USP6NL: variants seen among roughly 807,000 people sequenced by gnomAD.
The protein encoded by USP6NL is USP6 N-terminal like.
USP6NL carries 26 observed loss-of-function variants against 61.9 expected under a neutral mutation model. The ratio of observed to expected loss-of-function variants is 0.42; its 90% confidence interval spans 0.31 to 0.58. The LOEUF (loss-of-function observed/expected upper bound fraction) is 0.58. Ranked by LOEUF, USP6NL falls within the 20% of genes least tolerant of loss-of-function variation. USP6NL has a pLI of 0.16. For missense variants in USP6NL, 1,114 were observed against 1,034.3 expected, an observed-to-expected ratio of 1.08 and a Z score of -1.06; for synonymous variants, 432 against 390.1, an observed-to-expected ratio of 1.11 and a Z score of -1.27.
At chr10:11,530,290 C>T (rs1315175013) in intron 2 of USP6NL, among the ~76,000 whole-genome samples, 2 of 152,076 alleles carry the variant, frequency 1.3e-5, no homozygotes, top group African/African-American at 4.8e-5. Context: ...CAGTCCTAGG[C>T]ATCACAAGTA....
At chr10:11,544,938 A>G (rs1836219469) in intron 2 of USP6NL, among the ~76,000 whole-genome samples, 1 of 152,216 alleles carries the variant, frequency 6.6e-6, no homozygotes, top group Admixed American at 6.5e-5. Context: ...CCCAAGATAT[A>G]CTGTAAGCAA....
At chr10:11,534,325 T>C (rs1478068072) in intron 2 of USP6NL, among the ~76,000 whole-genome samples, 12 of 152,214 alleles carry the variant, frequency 7.9e-5, no homozygotes. Flanking sequence ...CTGAATAAAG[T>C]CCACTTTCCC....
chr10:11,567,831 G>A (rs930405761), intron 2 of USP6NL, among the ~76,000 whole-genome samples: 1 of 152,174 alleles, frequency 6.6e-6, no homozygotes, highest in South Asian at 2.1e-4. Context: ...ATAACACCTG[G>A]GAAAATATAC....
chr10:11,512,319 C>T (rs1834755235), intron 5 of USP6NL, among the ~76,000 whole-genome samples: 2 of 152,176 alleles, frequency 1.3e-5, no homozygotes, highest in Admixed American at 6.5e-5. Context: ...CTCCTTCTCT[C>T]TCACTTCCCA....
intron 2 of USP6NL, among the ~76,000 whole-genome samples, chr10:11,554,801 C>CTTT: frequency 7.8e-6 from 1 of 128,272 alleles, no homozygotes; most frequent in Non-Finnish European, 1.7e-5. Flanking sequence ...AGTAAGGCAG[C>CTTT]TTTTTTTTTT....
rs1253382361 is a variant in USP6NL, at chr10:11,540,534, G to A, written c.5-12967C>T. ...CCAGCTCATTCAGAATTGCAAGTAT[G>A]TGCAGTTATATGCACTACAATAAAA... On this transcript the variant is annotated intron_variant, in intron 2 of 14. Transcript: ENST00000609104. The surrounding 1 kb of genome is among the most constrained non-coding windows in gnomAD (Gnocchi z 5.0). Among the ~76,000 whole-genome samples the A allele has an allele frequency of 1.3e-5, 2 of 152,172 alleles. No homozygotes were observed. The highest frequency in any genetic ancestry group is 6.5e-5 in the Admixed American group (1 of 15,284).
chr10:11,519,795 A>G (rs1835131345), intron 4 of USP6NL, among the ~76,000 whole-genome samples: 1 of 152,222 alleles, frequency 6.6e-6, no homozygotes, highest in Admixed American at 6.5e-5. Flanking sequence ...ATTAACTGTC[A>G]GTAATATAAA....
chr10:11,607,355 G>A (rs1449314152), intron 1 of USP6NL, among the ~76,000 whole-genome samples: 1 of 152,056 alleles, frequency 6.6e-6, no homozygotes, highest in African/African-American at 2.4e-5. Context: ...AAAAAACCTA[G>A]AGCCAACTGA....
At chr10:11,467,956 C>T (rs548317711) in intron 14 of USP6NL, among the ~76,000 whole-genome samples, 12 of 152,096 alleles carry the variant, frequency 7.9e-5, no homozygotes, top group Non-Finnish European at 1.5e-4. Context: ...TTTAGCTTAT[C>T]CAAAAAAGTA....
Position 11,462,859 on chromosome 10 carries a change from G to C in USP6NL, c.2069C>G (p.Pro690Arg), listed in dbSNP as rs939493322. The C allele has an allele frequency of 1.9e-6, 3 of 1,613,798 alleles. No homozygotes were observed. In the African/African-American group the frequency reaches 4.0e-5, roughly 22 times the overall value. ...TATTCGACTAGACGGCAGTACAAGG[G>C]GGCTTGGGCGGCTGTAAGATTTCTC... is the stretch of plus-strand genomic sequence containing the variant. Reference protein sequence around the residue: ...SPEKSYSRPSPLVLPSSRIEV... With the variant: ...SPEKSYSRPSRLVLPSSRIEV... Residue 690 changes from proline to arginine, a missense_variant, in exon 15 of 15, where the codon CCC (proline) becomes CGC (arginine). Physicochemically the swap from Pro to Arg is moderately radical, Grantham distance 103. Transcript: ENST00000609104.
At chr10:11,557,354 C>T (rs1591925327) in intron 2 of USP6NL, among the ~76,000 whole-genome samples, 2 of 152,196 alleles carry the variant, frequency 1.3e-5, no homozygotes, top group East Asian at 3.8e-4. Context: ...CAATACCCAA[C>T]ACTTAATAGC....
chr10:11,599,177 T>C (rs1468549127), intron 1 of USP6NL, among the ~76,000 whole-genome samples: 1 of 152,214 alleles, frequency 6.6e-6, no homozygotes, highest in African/African-American at 2.4e-5. Flanking sequence ...GTAGGACATG[T>C]GGACCTGGAG....
rs763312528 is a variant in USP6NL, at chr10:11,463,337, G to C, written c.1591C>G (p.Arg531Gly). The C allele has an allele frequency of 1.2e-6, 2 of 1,613,874 alleles. No homozygotes were observed. The highest frequency in any genetic ancestry group is 4.5e-5 in the East Asian group (2 of 44,874). Residue 531 changes from arginine to glycine, a missense_variant, in exon 15 of 15, where the codon CGG becomes GGG. Transcript: ENST00000609104. The surrounding 1 kb of genome is among the most constrained non-coding windows in gnomAD (Gnocchi z 6.3). ...GCATCCAGGGCCTTCATCTTTGGCCGCACGTTTGACACCCGCACCTCGGCA... is the reference window on the plus strand; with the variant it reads ...GCATCCAGGGCCTTCATCTTTGGCCCCACGTTTGACACCCGCACCTCGGCA... ...GPAEVRVSNV[R>G]PKMKALDAED...
chr10:11,583,914 G>A (rs192186620), intron 2 of USP6NL, among the ~76,000 whole-genome samples: 26 of 152,038 alleles, frequency 1.7e-4, no homozygotes, highest in Middle Eastern at 3.4e-3. Flanking sequence ...CTGTGGTCCC[G>A]GCTACTTCAG....
Position 11,474,741 on chromosome 10 carries a change from A to G in USP6NL, c.1078+7029T>C, listed in dbSNP as rs1832896430. On this transcript the variant is annotated intron_variant, in intron 14 of 14. Coordinates refer to ENST00000609104, the MANE Select transcript of USP6NL (RefSeq NM_014688.5). This position sits in a 1 kb window ranked among gnomAD's most constrained non-coding sequence, Gnocchi z 4.9. ...TTGCATCAACAAATGACTACTGCAA[A>G]GGGCTGCTGGAAAAAATTAAGTTAA... is the stretch of plus-strand genomic sequence containing the variant. Among the ~76,000 whole-genome samples the G allele has an allele frequency of 6.6e-6, 1 of 152,086 alleles. No homozygotes were observed. The highest frequency in any genetic ancestry group is 6.5e-5 in the Admixed American group (1 of 15,276).
chr10:11,559,460 C>A (rs942626946), intron 2 of USP6NL, among the ~76,000 whole-genome samples: 2 of 152,122 alleles, frequency 1.3e-5, no homozygotes, highest in African/African-American at 4.8e-5. Flanking sequence ...AGGGCATCCA[C>A]GCACACTAGT....
intron 4 of USP6NL, among the ~76,000 whole-genome samples, chr10:11,519,251 C>G (rs754521946): frequency 3.3e-5 from 5 of 152,182 alleles, no homozygotes; most frequent in African/African-American, 4.8e-5. Context: ...GGTCTATAAT[C>G]AATGATTGTT....
Position 11,598,057 on chromosome 10 carries a change from T to G in USP6NL, c.-83-340A>C, listed in dbSNP as rs1838386760. Among the ~76,000 whole-genome samples the G allele has an allele frequency of 6.6e-6, 1 of 152,210 alleles. No homozygotes were observed. Among genetic ancestry groups the G allele is most frequent in the Non-Finnish European group, 1.5e-5 (1 of 68,034 alleles). The stretch of plus-strand genomic sequence containing the variant: ...AATCACAGGTAGAAGGCACTCCATC[T>G]AGGGTAAATACAGCCCACATCATCC... On this transcript the variant is annotated intron_variant, in intron 1 of 14. Transcript: ENST00000609104. This position sits in a 1 kb window ranked among gnomAD's most constrained non-coding sequence, Gnocchi z 4.7.
At chr10:11,483,927 T>C (rs1320828731) in intron 13 of USP6NL, among the ~76,000 whole-genome samples, 2 of 152,156 alleles carry the variant, frequency 1.3e-5, no homozygotes, top group East Asian at 1.9e-4. Flanking sequence ...TTCATTCCTA[T>C]CTAAAGTATG....
Sources: gnomAD v4.1 joint callset for allele counts (sites outside exome capture counted in the v4.1 genomes callset) on GRCh38, gnomAD v4.1.1 for gene constraint, Gnocchi (gnomAD v3.1) non-coding constraint, MANE v1.5 for transcripts, NCBI Gene and HGNC (gene_info 2026-07-23, HGNC 2026-07-21) for gene names.